HCN1: variants seen among roughly 807,000 people sequenced by gnomAD.
HCN1 encodes hyperpolarization activated cyclic nucleotide gated potassium channel 1, also known as potassium/sodium hyperpolarization-activated cyclic nucleotide-gated channel 1.
HCN1 carries 13 observed loss-of-function variants against 78.9 expected under a neutral mutation model. The observed-to-expected ratio is 0.16, with a 90% CI of 0.11 to 0.26. The LOEUF is 0.26. Ranked by LOEUF, HCN1 falls within the 10% of genes least tolerant of loss-of-function variation. The pLI is 1.00. For synonymous variants in HCN1, 552 were observed against 455.5 expected, an observed-to-expected ratio of 1.21 and a Z score of -2.70; for missense variants, 810 against 1,154.3, an observed-to-expected ratio of 0.70 and a Z score of 4.32.
intron 3 of HCN1, among the ~76,000 whole-genome samples, chr5:45,398,637 A>G (rs1739733025): frequency 6.6e-6 from 1 of 152,190 alleles, no homozygotes; most frequent in African/African-American, 2.4e-5. Flanking sequence ...TAACTTGTCA[A>G]GGCCGTGCAA....
At chr5:45,405,602 C>T (rs933530991) in intron 3 of HCN1, among the ~76,000 whole-genome samples, 3 of 152,034 alleles carry the variant, frequency 2.0e-5, no homozygotes, top group Admixed American at 6.6e-5. Context: ...GAGATAAGGT[C>T]TTGCTATGTT....
chr5:45,281,163 T>A (rs1745155622), intron 6 of HCN1, among the ~76,000 whole-genome samples: 1 of 152,112 alleles, frequency 6.6e-6, no homozygotes, highest in Non-Finnish European at 1.5e-5. Context: ...CCCACCCAAA[T>A]CTCATGTAGA....
intron 6 of HCN1, among the ~76,000 whole-genome samples, chr5:45,302,812 A>C (rs568340352): frequency 6.6e-6 from 1 of 152,012 alleles, no homozygotes; most frequent in Admixed American, 6.6e-5. Flanking sequence ...AATAAGTCTC[A>C]CAAGATCTGA....
At chr5:45,375,221 A>G (rs1747590930) in intron 4 of HCN1, among the ~76,000 whole-genome samples, 1 of 116,300 alleles carries the variant, frequency 8.6e-6, no homozygotes, top group Non-Finnish European at 1.6e-5. Flanking sequence ...TATATAATAT[A>G]ATATTTTATA....
chr5:45,367,790 T>C (rs1421929397), intron 4 of HCN1, among the ~76,000 whole-genome samples: 1 of 151,950 alleles, frequency 6.6e-6, no homozygotes, highest in Non-Finnish European at 1.5e-5. Context: ...CATTCATCAA[T>C]ACAAAACAAA....
chr5:45,335,364 A>G (rs1374914095), intron 5 of HCN1, among the ~76,000 whole-genome samples: 1 of 152,072 alleles, frequency 6.6e-6, no homozygotes, highest in Admixed American at 6.6e-5. Flanking sequence ...TTTATTTTTA[A>G]ATATACTGCC....
At chr5:45,305,047 C>A (rs1745699261) in intron 5 of HCN1, among the ~76,000 whole-genome samples, 2 of 152,054 alleles carry the variant, frequency 1.3e-5, no homozygotes, top group African/African-American at 4.8e-5. Context: ...TTAGTTACCC[C>A]AAAAAAGGTT....
At chr5:45,604,593 T>C (rs1227323081) in intron 2 of HCN1, among the ~76,000 whole-genome samples, 4 of 151,930 alleles carry the variant, frequency 2.6e-5, no homozygotes, top group Admixed American at 1.3e-4. Context: ...ATAAATTACA[T>C]GTCATAGGCT....
At chr5:45,506,857 A>G (rs1742312131) in intron 2 of HCN1, among the ~76,000 whole-genome samples, 1 of 152,162 alleles carries the variant, frequency 6.6e-6, no homozygotes, top group South Asian at 2.1e-4. Context: ...TGTTAATTCT[A>G]AAGAAACATC....
At chr5:45,370,654 A>T (rs1051296775) in intron 4 of HCN1, among the ~76,000 whole-genome samples, 2 of 152,126 alleles carry the variant, frequency 1.3e-5, no homozygotes, top group African/African-American at 4.8e-5. Flanking sequence ...ATAATTTATC[A>T]TATATGTGTG....
chr5:45,291,662 C>T (rs1745379375), intron 6 of HCN1, among the ~76,000 whole-genome samples: 2 of 151,908 alleles, frequency 1.3e-5, no homozygotes, highest in Non-Finnish European at 2.9e-5. Flanking sequence ...ACTTCAGGCC[C>T]CCCAAGTAGT....
At chr5:45,313,237 C>T (rs961696756) in intron 5 of HCN1, among the ~76,000 whole-genome samples, 2 of 152,174 alleles carry the variant, frequency 1.3e-5, no homozygotes, top group African/African-American at 2.4e-5. Context: ...GCCTTCATTG[C>T]TGATACCCAG....
chr5:45,318,665 G>T (rs1241180638), intron 5 of HCN1, among the ~76,000 whole-genome samples: 1 of 151,910 alleles, frequency 6.6e-6, no homozygotes, highest in Non-Finnish European at 1.5e-5. Context: ...GCTAAAATAT[G>T]ACAGGATTAT....
intron 3 of HCN1, among the ~76,000 whole-genome samples, chr5:45,421,012 T>G (rs192974262): frequency 6.6e-6 from 1 of 152,248 alleles, no homozygotes; most frequent in Non-Finnish European, 1.5e-5. Flanking sequence ...GCGGCATGGC[T>G]TTTCTTTCTT....
chr5:45,530,423 T>C (rs1194774009), intron 2 of HCN1, among the ~76,000 whole-genome samples: 2 of 150,214 alleles, frequency 1.3e-5, no homozygotes, highest in East Asian at 3.9e-4. Context: ...TATATATATA[T>C]ATATACATAT....
At chr5:45,521,016 T>A (rs568720605) in intron 2 of HCN1, among the ~76,000 whole-genome samples, 4 of 151,872 alleles carry the variant, frequency 2.6e-5, no homozygotes, top group Non-Finnish European at 5.9e-5. Flanking sequence ...TTTGGCTTTT[T>A]AAAAAATTAT....
intron 6 of HCN1, among the ~76,000 whole-genome samples, chr5:45,282,633 C>T (rs1185464191): frequency 1.3e-5 from 2 of 152,124 alleles, no homozygotes; most frequent in Non-Finnish European, 2.9e-5. Context: ...TTCATGTTTC[C>T]AACTAGTACT....
rs147078655 is a variant in HCN1, at chr5:45,502,651, C to T, written c.850-40644G>A. 3.4e-3 allele frequency among the ~76,000 whole-genome samples: 512 copies of T among 152,088 alleles called. 3 individuals are homozygous for T. The highest frequency in any genetic ancestry group is 0.012 in the African/African-American group (497 of 41,512). On this transcript the variant is annotated intron_variant, in intron 2 of 7. Coordinates refer to ENST00000303230, the MANE Select transcript of HCN1 (RefSeq NM_021072.4). ...CTTTAGTTACTCAGAGTAATAATAG[C>T]AGCTACCTAATAAAAATATTTGTAA... is the stretch of plus-strand genomic sequence containing the variant.
chr5:45,623,763 AAG>A (rs577116549), intron 2 of HCN1, among the ~76,000 whole-genome samples: 1 of 152,066 alleles, frequency 6.6e-6, no homozygotes, highest in South Asian at 2.1e-4. Flanking sequence ...CTCATTCTGG[AAG>A]AGAGAGAGAG....
Sources: gnomAD v4.1 joint callset for allele counts (sites outside exome capture counted in the v4.1 genomes callset) on GRCh38, gnomAD v4.1.1 for gene constraint, MANE v1.5 for transcripts, NCBI Gene and HGNC (gene_info 2026-07-23, HGNC 2026-07-21) for gene names.